DST: variants seen among roughly 807,000 people sequenced by gnomAD.
DST encodes the protein bullous pemphigoid antigen.
Under a neutral mutation model 875.2 loss-of-function variants are expected in DST, and 253 were observed. The ratio of observed to expected loss-of-function variants is 0.29; its 90% CI spans 0.26 to 0.32. DST has a LOEUF of 0.32. Among genes scored for constraint, DST ranks in the 10% least tolerant of loss-of-function variants. The probability of loss-of-function intolerance (pLI) is 1.00; values close to 1 mark genes in which losing one functional copy is unlikely to be tolerated. For synonymous variants in DST, 3,124 were observed against 3,197.1 expected (o/e 0.98, Z 0.77); for missense variants, 8,287 against 9,111.6 (o/e 0.91, Z 3.68).
rs531787151 is a variant in DST at position 56,684,820 on chromosome 6, T to C, written c.1048-14013A>G. On this transcript the variant is annotated intron_variant, in intron 9 of 103. Transcript: ENST00000680361. ...TGCCTCACTCCTAAAGGCAGACCCTTTTCACTGGAGCTTCTCGGCTTCTAT... is the reference window on the plus strand; with the variant it reads ...TGCCTCACTCCTAAAGGCAGACCCTCTTCACTGGAGCTTCTCGGCTTCTAT... Among the ~76,000 whole-genome samples the C allele has an allele frequency of 5.3e-5, 8 of 152,244 alleles. No individual in the cohort carries two copies. The South Asian group carries it at 1.0e-3, about 20-fold the overall frequency.
At chr6:56,939,000 T>C (rs375186125) in intron 2 of DST, among the ~76,000 whole-genome samples, 21 of 152,252 alleles carry the variant, frequency 1.4e-4, no homozygotes, top group African/African-American at 4.6e-4. Flanking sequence ...TACTAAGTTT[T>C]AAATGGTTAC....
rs764578066 is a variant in DST, at chr6:56,607,605, G to T, written c.7023C>A (p.Pro2341=). 70 of 1,613,030 alleles carry T rather than the reference G, an allele frequency of 4.3e-5. No individual in the cohort carries two copies. Among genetic ancestry groups the T allele is most frequent in the Non-Finnish European group, 5.5e-5 (65 of 1,179,530 alleles). Residue 2341 remains proline, a synonymous_variant, in exon 40 of 104, where the codon CCC becomes CCA. Coordinates refer to ENST00000680361, the MANE Select transcript of DST (RefSeq NM_001374736.1). Reference sequence around the variant, plus strand: ...TCTGTGTTAAATATGATATGAGACTGGGAACACACACACTGGGTGAACTGT... The same window carrying T: ...TCTGTGTTAAATATGATATGAGACTTGGAACACACACACTGGGTGAACTGT... The part of the protein sequence containing the change: ...KVNSSPSVCV[P]SLISYLTQTE...
At chr6:56,791,614 C>A (rs1297820663) in intron 4 of DST, among the ~76,000 whole-genome samples, 1 of 151,638 alleles carries the variant, frequency 6.6e-6, no homozygotes, top group Non-Finnish European at 1.5e-5. Context: ...AGGAAGATCC[C>A]GTCTCTACAA....
At chr6:56,494,959 C>T (rs748156539) in intron 82 of DST, among the ~76,000 whole-genome samples, 21 of 151,770 alleles carry the variant, frequency 1.4e-4, no homozygotes, top group Non-Finnish European at 2.4e-4. Flanking sequence ...CAACTTTATA[C>T]GTTTTAAAAC....
chr6:56,787,828 C>CATAT lies in DST; in HGVS notation c.626-52543_626-52540dup, dbSNP rs2099708115. 2.6e-5 allele frequency among the ~76,000 whole-genome samples: 4 copies of CATAT among 152,016 alleles called. No individual in the cohort carries two copies. The South Asian group carries it at 8.3e-4, about 31-fold the overall frequency. ...GTAAGAAAAATGCAACTTTATGAAG[C>CATAT]ATATATTCTCTTCAAAATCAGACTT... On this transcript the variant is annotated intron_variant, in intron 4 of 103. Coordinates refer to ENST00000680361, the MANE Select transcript of DST (RefSeq NM_001374736.1).
At chr6:56,953,495 G>A (rs552684181) in intron 2 of DST, among the ~76,000 whole-genome samples, 2 of 152,312 alleles carry the variant, frequency 1.3e-5, no homozygotes, top group East Asian at 3.9e-4. Flanking sequence ...AATATAAACT[G>A]TAAACTCAAG....
intron 69 of DST, among the ~76,000 whole-genome samples, chr6:56,520,772 G>C (rs932270057): frequency 6.6e-6 from 1 of 151,818 alleles, no homozygotes; most frequent in Non-Finnish European, 1.5e-5. Context: ...AACTCTGTGG[G>C]TAACGTCTCA....
At chr6:56,613,601 C>T (rs955847774) in intron 37 of DST, among the ~76,000 whole-genome samples, 34 of 69,052 alleles carry the variant, frequency 4.9e-4, no homozygotes, top group African/African-American at 4.8e-4. Flanking sequence ...GAGAAAAACG[C>T]TTCTTATCTT....
At chr6:56,509,497 C>T (rs1476276529) in intron 74 of DST, 145 bp downstream of exon 74, 1 of 636,148 alleles carries the variant, frequency 1.6e-6, no homozygotes, top group Non-Finnish European at 2.7e-6. Context: ...AAGGGATTTG[C>T]ATACACAGCC....
intron 36 of DST, chr6:56,619,559 C>G: frequency 6.2e-7 from 1 of 1,613,864 alleles, no homozygotes; most frequent in Non-Finnish European, 8.5e-7. Flanking sequence ...AGCATGTGCC[C>G]TTGTGATTCT....
intron 54 of DST, 133 bp downstream of exon 54, chr6:56,569,723 G>A (rs894687503): frequency 3.1e-6 from 2 of 636,738 alleles, no homozygotes; most frequent in Non-Finnish European, 4.8e-6. Flanking sequence ...GATTTCCAAA[G>A]GTCAACAAAA....
In DST at chr6:56,631,282, T is replaced by C; in HGVS notation, c.4071A>G (p.Leu1357=). Residue 1357 remains leucine (L), a synonymous_variant, in exon 30 of 104, where the codon CTA becomes CTG. Coordinates refer to ENST00000680361, the MANE Select transcript of DST (RefSeq NM_001374736.1). ...GAAGGACCACATTAAGCTCTGATCG[T>C]AGGGTAGGGACTGATGAAGAGGCTG... The part of the protein sequence containing the change: ...QAAASSSVPT[L]RSELNVVLQN... 1 of 1,613,940 alleles carries C rather than the reference T, an allele frequency of 6.2e-7. No homozygotes were observed. The highest frequency in any genetic ancestry group is 8.5e-7 in the Non-Finnish European group (1 of 1,179,904).
At chr6:56,876,445 G>C (rs749135164) in intron 3 of DST, among the ~76,000 whole-genome samples, 1 of 152,074 alleles carries the variant, frequency 6.6e-6, no homozygotes, top group Admixed American at 6.6e-5. Flanking sequence ...TGGCTCTCCA[G>C]CTCTCTCACT....
At chr6:56,619,735 C>G in intron 36 of DST, 1 of 1,614,106 alleles carries the variant, frequency 6.2e-7, no homozygotes. Context: ...GTTGAGAATA[C>G]CCTTTCTCCG....
At chr6:56,846,723 G>A (rs2099807557) in intron 4 of DST, among the ~76,000 whole-genome samples, 1 of 152,228 alleles carries the variant, frequency 6.6e-6, no homozygotes, top group East Asian at 1.9e-4. Flanking sequence ...GTGAAGTTGG[G>A]CCAGGCACAG....
At chr6:56,626,408 T>G (rs1316653469) in intron 34 of DST, among the ~76,000 whole-genome samples, 1 of 152,162 alleles carries the variant, frequency 6.6e-6, no homozygotes, top group African/African-American at 2.4e-5. Flanking sequence ...GATACACAAA[T>G]AGATACCATT....
chr6:56,732,136 TA>T (rs1465570105), intron 5 of DST, among the ~76,000 whole-genome samples: 1 of 152,228 alleles, frequency 6.6e-6, no homozygotes, highest in African/African-American at 2.4e-5. Context: ...AATTCTTCAC[TA>T]ATCAGCCAGA....
intron 3 of DST, among the ~76,000 whole-genome samples, chr6:56,870,313 G>A (rs980152794): frequency 6.6e-6 from 1 of 151,910 alleles, no homozygotes. Context: ...GAGAGCACAA[G>A]GGGAGGGACA....
intron 33 of DST, among the ~76,000 whole-genome samples, chr6:56,627,508 T>A (rs2098745326): frequency 6.6e-6 from 1 of 152,088 alleles, no homozygotes; most frequent in South Asian, 2.1e-4. Context: ...ATTACTAAAC[T>A]CCTTAGGAAT....
Sources: allele counts gnomAD v4.1 joint callset (sites outside exome capture counted in the v4.1 genomes callset), GRCh38; gene constraint gnomAD v4.1.1; transcripts MANE v1.5; gene names NCBI Gene and HGNC (gene_info 2026-07-23, HGNC 2026-07-21).